The following PITPNC1 variants were observed in gnomAD, a reference collection of about 807,000 sequenced individuals.
The protein encoded by PITPNC1 is phosphatidylinositol transfer protein cytoplasmic 1.
Under a neutral mutation model 44.7 loss-of-function variants are expected in PITPNC1, and 18 were observed. That is an observed-to-expected ratio of 0.40 (90% CI 0.28 to 0.60). The LOEUF is 0.60. PITPNC1 is among the 20% of genes least tolerant of loss of function. The pLI is 0.39. For synonymous variants in PITPNC1, 141 were observed against 149.6 expected (o/e 0.94, Z 0.42); for missense variants, 290 against 418.4 (o/e 0.69, Z 2.68).
intron 6 of PITPNC1, among the ~76,000 whole-genome samples, chr17:67,645,633 C>G (rs776077489): frequency 1.3e-5 from 2 of 152,124 alleles, no homozygotes; most frequent in African/African-American, 4.8e-5. Context: ...GCCCATTCCC[C>G]GATTGTGAGA....
intron 1 of PITPNC1, among the ~76,000 whole-genome samples, chr17:67,483,893 C>T (rs1158171406): frequency 6.6e-5 from 10 of 151,530 alleles, no homozygotes; most frequent in Admixed American, 6.6e-4. Flanking sequence ...ACCATTCTCC[C>T]TTCACCCTTG....
chr17:67,416,822 CT>C (rs1348615830), intron 1 of PITPNC1, among the ~76,000 whole-genome samples: 1 of 151,698 alleles, frequency 6.6e-6, no homozygotes, highest in East Asian at 1.9e-4. Context: ...CTCTTTTTTT[CT>C]TTTTTTGAGA....
Position 67,557,271 on chromosome 17 carries a change from C to T in PITPNC1, c.294+3654C>T, listed in dbSNP as rs563936519. 3.9e-5 allele frequency among the ~76,000 whole-genome samples: 6 copies of T among 152,268 alleles called. No homozygotes were observed. The South Asian group carries it at 8.3e-4, about 21-fold the overall frequency. ...ATCATGAGGGCCCCACCCTCGTGAC[C>T]TCATCCCTACCTGATTAGTCCCAAA... On this transcript the variant is annotated intron_variant, in intron 4 of 8. Transcript: ENST00000581322.
At chr17:67,666,378 G>A (rs532863097) in intron 6 of PITPNC1, among the ~76,000 whole-genome samples, 7 of 152,280 alleles carry the variant, frequency 4.6e-5, no homozygotes, top group African/African-American at 1.7e-4. Context: ...CAGGAAGGGG[G>A]ACCAGTGCCT....
intron 5 of PITPNC1, among the ~76,000 whole-genome samples, chr17:67,610,356 G>C (rs2041671465): frequency 6.6e-6 from 1 of 152,192 alleles, no homozygotes; most frequent in African/African-American, 2.4e-5. Context: ...TTGGCACTGA[G>C]GCAAGATTCT....
intron 1 of PITPNC1, among the ~76,000 whole-genome samples, chr17:67,397,189 C>T (rs1295570371): frequency 1.3e-5 from 2 of 152,102 alleles, no homozygotes; most frequent in Non-Finnish European, 2.9e-5. Flanking sequence ...CCATGTTGGC[C>T]AGGCTGGTCT....
chr17:67,504,743 T>C (rs1437062029), intron 1 of PITPNC1, among the ~76,000 whole-genome samples: 4 of 152,226 alleles, frequency 2.6e-5, no homozygotes, highest in Non-Finnish European at 5.9e-5. Context: ...TATTCTCTAG[T>C]TCATTAGTTA....
intron 1 of PITPNC1, among the ~76,000 whole-genome samples, chr17:67,494,955 G>A (rs114749173): frequency 1.0e-3 from 157 of 150,430 alleles, no homozygotes; most frequent in African/African-American, 3.6e-3. Context: ...CCTGGGTGAC[G>A]GGGAGACCTC....
At chr17:67,486,472 A>G (rs1336003238) in intron 1 of PITPNC1, among the ~76,000 whole-genome samples, 1 of 152,154 alleles carries the variant, frequency 6.6e-6, no homozygotes, top group African/African-American at 2.4e-5. Context: ...AATCCTAATG[A>G]GAAGATGGCA....
In PITPNC1 at chr17:67,572,125, G is replaced by C. The variant is rs545325692; in HGVS notation, c.295-6061G>C. On this transcript the variant is annotated intron_variant, in intron 4 of 8. Transcript: ENST00000581322. ...CCCTTAGACATCTTTTTCTGTTTTA[G>C]CCAATGGCTGACGACCCTAGTGTCT... Among the ~76,000 whole-genome samples, 8 of 152,238 alleles carry C rather than the reference G, an allele frequency of 5.3e-5. No individual in the cohort carries two copies. In the South Asian group the frequency reaches 1.5e-3, roughly 28 times the overall value.
chr17:67,507,989 C>G (rs1458649106), intron 1 of PITPNC1, among the ~76,000 whole-genome samples: 1 of 152,162 alleles, frequency 6.6e-6, no homozygotes, highest in Non-Finnish European at 1.5e-5. Flanking sequence ...CATGTCCAGG[C>G]CACCTAGTTG....
At chr17:67,501,688 CG>C (rs1348253124) in intron 1 of PITPNC1, among the ~76,000 whole-genome samples, 13 of 152,012 alleles carry the variant, frequency 8.6e-5, no homozygotes, top group Non-Finnish European at 1.5e-5. Context: ...AAAAATGAGC[CG>C]GGATGTGGTG....
intron 5 of PITPNC1, among the ~76,000 whole-genome samples, chr17:67,608,769 G>A (rs758061189): frequency 1.2e-4 from 18 of 148,988 alleles, no homozygotes; most frequent in African/African-American, 2.5e-4. Flanking sequence ...CTCCCAAAGC[G>A]TTGGGAGGCA....
chr17:67,691,390 G>T (rs1300112522), intron 8 of PITPNC1, among the ~76,000 whole-genome samples: 1 of 152,168 alleles, frequency 6.6e-6, no homozygotes, highest in Non-Finnish European at 1.5e-5. Flanking sequence ...ATCCAACAAT[G>T]ATTATTAACA....
intron 6 of PITPNC1, among the ~76,000 whole-genome samples, chr17:67,659,899 A>G (rs953483326): frequency 2.6e-5 from 4 of 152,020 alleles, no homozygotes; most frequent in African/African-American, 9.7e-5. Context: ...TTTTTTTTAG[A>G]GACAGAGTCT....
intron 5 of PITPNC1, among the ~76,000 whole-genome samples, chr17:67,600,981 A>G (rs951417748): frequency 6.6e-6 from 1 of 152,040 alleles, no homozygotes; most frequent in African/African-American, 2.4e-5. Context: ...TATGCTTTCT[A>G]TGTATTAACT....
intron 5 of PITPNC1, among the ~76,000 whole-genome samples, chr17:67,616,234 G>A (rs371634626): frequency 2.0e-5 from 3 of 152,014 alleles, no homozygotes; most frequent in East Asian, 1.9e-4. Context: ...TCAGCCTCCC[G>A]GGTTCAAGCA....
chr17:67,396,170 A>G (rs888702043), intron 1 of PITPNC1, among the ~76,000 whole-genome samples: 2 of 152,096 alleles, frequency 1.3e-5, no homozygotes, highest in Non-Finnish European at 2.9e-5. Context: ...TGTGTTTTTA[A>G]GGTAATTAGG....
At chr17:67,544,612 G>A (rs909716170) in intron 2 of PITPNC1, among the ~76,000 whole-genome samples, 7 of 152,340 alleles carry the variant, frequency 4.6e-5, no homozygotes, top group South Asian at 2.1e-4. Context: ...CATTTTTCCC[G>A]CTACATGGCC....
Sources: allele counts gnomAD v4.1 joint callset (sites outside exome capture counted in the v4.1 genomes callset), GRCh38; gene constraint gnomAD v4.1.1; transcripts MANE v1.5; gene names NCBI Gene and HGNC (gene_info 2026-07-23, HGNC 2026-07-21).